BBS9: variants seen among roughly 807,000 people sequenced by gnomAD.
BBS9 encodes protein PTHB1.
BBS9 carries 89 observed loss-of-function variants against 117.7 expected under a neutral mutation model. The observed-to-expected ratio is 0.76, with a 90% confidence interval of 0.64 to 0.90. The LOEUF (loss-of-function observed/expected upper bound fraction) is 0.90. BBS9 is among the 40% of genes least tolerant of loss of function. BBS9 has a pLI of 0.00. For missense variants in BBS9, 982 were observed against 1,042.2 expected (o/e 0.94, Z 0.80); for synonymous variants, 379 against 370.9 (o/e 1.02, Z -0.25).
At chr7:33,443,949 T>C (rs1490829117) in intron 19 of BBS9, among the ~76,000 whole-genome samples, 1 of 152,220 alleles carries the variant, frequency 6.6e-6, no homozygotes, top group Non-Finnish European at 1.5e-5. Flanking sequence ...GGTGTTTGAA[T>C]TGATGAGCTG....
At chr7:33,409,764 G>A (rs1327123039) in intron 19 of BBS9, among the ~76,000 whole-genome samples, 1 of 152,126 alleles carries the variant, frequency 6.6e-6, no homozygotes. Flanking sequence ...TAACGATGTT[G>A]AACTTTTAAA....
intron 21 of BBS9, among the ~76,000 whole-genome samples, chr7:33,632,211 C>T (rs921445765): frequency 6.6e-6 from 1 of 152,122 alleles, no homozygotes; most frequent in Non-Finnish European, 1.5e-5. Context: ...TGTTACTTGG[C>T]GCTCGCCCTG....
At chr7:33,506,015 C>A (rs1396260433) in intron 20 of BBS9, among the ~76,000 whole-genome samples, 1 of 152,142 alleles carries the variant, frequency 6.6e-6, no homozygotes, top group African/African-American at 2.4e-5. Context: ...ATTTGCTCAA[C>A]CTTCTTAAAT....
chr7:33,387,866 C>A, intron 18 of BBS9, 126 bp from the exon 19 acceptor site: 1 of 1,080,020 alleles, frequency 9.3e-7, no homozygotes, highest in Non-Finnish European at 1.4e-6. Context: ...TTTTAATTCC[C>A]TTAACTCTAT....
chr7:33,263,666 C>G (rs1365138908), intron 6 of BBS9, among the ~76,000 whole-genome samples: 1 of 152,102 alleles, frequency 6.6e-6, no homozygotes, highest in African/African-American at 2.4e-5. Flanking sequence ...ATCTCTATCT[C>G]TATATAAATC....
At chr7:33,406,253 T>C (rs1166532971) in intron 19 of BBS9, among the ~76,000 whole-genome samples, 10 of 152,192 alleles carry the variant, frequency 6.6e-5, no homozygotes, top group Admixed American at 6.5e-4. Flanking sequence ...GGGAGAGCTT[T>C]ACTTCCAAGT....
chr7:33,616,471 T>C (rs1265822465), intron 21 of BBS9, among the ~76,000 whole-genome samples: 4 of 145,100 alleles, frequency 2.8e-5, no homozygotes, highest in African/African-American at 5.1e-5. Context: ...TATAACTTTA[T>C]ATAATATATG....
chr7:33,463,972 C>T (rs1039438298), intron 19 of BBS9, among the ~76,000 whole-genome samples: 1 of 151,886 alleles, frequency 6.6e-6, no homozygotes, highest in Non-Finnish European at 1.5e-5. Context: ...AGTATAATGT[C>T]CTTAAGTATT....
intron 1 of BBS9, among the ~76,000 whole-genome samples, chr7:33,144,967 G>A (rs1792101760): frequency 6.6e-6 from 1 of 152,192 alleles, no homozygotes; most frequent in South Asian, 2.1e-4. Context: ...TTCAGCCTGA[G>A]TTCTAGTGCT....
chr7:33,432,022 A>G (rs1834549136), intron 19 of BBS9, among the ~76,000 whole-genome samples: 1 of 152,082 alleles, frequency 6.6e-6, no homozygotes, highest in South Asian at 2.1e-4. Context: ...GTATTTTATA[A>G]TATCCCTAAG....
intron 21 of BBS9, among the ~76,000 whole-genome samples, chr7:33,632,009 G>A (rs1293776100): frequency 1.3e-5 from 2 of 152,194 alleles, no homozygotes; most frequent in Non-Finnish European, 2.9e-5. Context: ...ATTTCGTGTT[G>A]AGGGAAAGGA....
At chr7:33,146,483 C>T (rs1269543112) in intron 2 of BBS9, 119 bp downstream of exon 2, 9 of 770,808 alleles carry the variant, frequency 1.2e-5, no homozygotes, top group Non-Finnish European at 1.6e-5. Context: ...GGGCAGATCA[C>T]GAGGTCAGGA....
At chr7:33,522,589 G>T (rs1344935408) in intron 20 of BBS9, among the ~76,000 whole-genome samples, 8 of 152,088 alleles carry the variant, frequency 5.3e-5, no homozygotes, top group Admixed American at 4.6e-4. Flanking sequence ...CTTTTTGATG[G>T]GGTTGTTTGT....
intron 20 of BBS9, among the ~76,000 whole-genome samples, chr7:33,527,559 G>A (rs938377752): frequency 4.6e-5 from 7 of 152,326 alleles, no homozygotes; most frequent in African/African-American, 1.7e-4. Flanking sequence ...GGAACTCCCT[G>A]ACCCCTTGCG....
chr7:33,390,631 TAA>T, intron 19 of BBS9: 1 of 964,268 alleles, frequency 1.0e-6, no homozygotes, highest in Non-Finnish European at 1.2e-6. Context: ...ATGAGCATAA[TAA>T]AGTCTATTTT....
chr7:33,406,580 G>A (rs1488530476), intron 19 of BBS9, among the ~76,000 whole-genome samples: 1 of 152,092 alleles, frequency 6.6e-6, no homozygotes, highest in Non-Finnish European at 1.5e-5. Flanking sequence ...TACCGGTTGT[G>A]CCTTTCCATG....
intron 2 of BBS9, among the ~76,000 whole-genome samples, chr7:33,150,124 T>G (rs916141086): frequency 6.6e-6 from 1 of 152,236 alleles, no homozygotes; most frequent in African/African-American, 2.4e-5. Context: ...CATTTGTTAT[T>G]GTAATTTAAA....
chr7:33,624,161 C>G (rs1003073675), intron 21 of BBS9, among the ~76,000 whole-genome samples: 2 of 152,118 alleles, frequency 1.3e-5, no homozygotes, highest in Non-Finnish European at 1.5e-5. Flanking sequence ...GCCAAAAGAG[C>G]TTTTTGTCAG....
intron 21 of BBS9, among the ~76,000 whole-genome samples, chr7:33,630,389 G>A (rs1865832308): frequency 6.6e-6 from 1 of 152,034 alleles, no homozygotes; most frequent in Admixed American, 6.5e-5. Flanking sequence ...TTCTTCTGGG[G>A]AGTTTTTTTG....
Sources: allele counts gnomAD v4.1 joint callset (sites outside exome capture counted in the v4.1 genomes callset), GRCh38; gene constraint gnomAD v4.1.1; transcripts MANE v1.5; gene names NCBI Gene and HGNC (gene_info 2026-07-23, HGNC 2026-07-21).